FSTL4: variants seen among roughly 807,000 people sequenced by gnomAD.
The protein encoded by FSTL4 is follistatin-related protein 4.
In FSTL4, 28 loss-of-function variants were observed where a neutral mutation model predicts 78.2. The ratio of observed to expected loss-of-function variants is 0.36; its 90% confidence interval spans 0.27 to 0.49. The LOEUF is 0.49. Ranked by LOEUF, FSTL4 falls within the 20% of genes least tolerant of loss-of-function variation. FSTL4 has a pLI of 0.98. For synonymous variants in FSTL4, 422 were observed against 440.5 expected, an observed-to-expected ratio of 0.96 and a Z score of 0.53; for missense variants, 922 against 1,084.9, an observed-to-expected ratio of 0.85 and a Z score of 2.11.
At chr5:133,734,029 G>A in the FSTL4 span, among the ~76,000 whole-genome samples, 1 of 152,240 alleles carries the variant, frequency 6.6e-6, no homozygotes, top group East Asian at 1.9e-4. Context: ...AGAGCACAAA[G>A]TGTAAAGCCA....
intron 3 of FSTL4, among the ~76,000 whole-genome samples, chr5:133,498,083 C>CA (rs1395334809): frequency 6.6e-6 from 1 of 151,526 alleles, no homozygotes; most frequent in South Asian, 2.1e-4. Context: ...TATTCTTTAG[C>CA]ACCCCCCCAA....
At chr5:133,297,840 G>C (rs1753436813) in intron 6 of FSTL4, among the ~76,000 whole-genome samples, 1 of 152,176 alleles carries the variant, frequency 6.6e-6, no homozygotes, top group Admixed American at 6.5e-5. Flanking sequence ...GTTTCTGATG[G>C]GCTGGCCCTT....
chr5:133,716,305 A>G, the FSTL4 span, among the ~76,000 whole-genome samples: 24 of 152,216 alleles, frequency 1.6e-4, no homozygotes, highest in African/African-American at 5.5e-4. Flanking sequence ...AGTAGTGTTC[A>G]TTCATGCAGG....
chr5:133,538,451 C>T (rs900247035), intron 3 of FSTL4, among the ~76,000 whole-genome samples: 1 of 152,140 alleles, frequency 6.6e-6, no homozygotes, highest in African/African-American at 2.4e-5. Flanking sequence ...AAGGTTATAT[C>T]CACCTTTTGT....
chr5:133,362,971 C>T (rs898704428), intron 4 of FSTL4, among the ~76,000 whole-genome samples: 14 of 151,796 alleles, frequency 9.2e-5, no homozygotes, highest in African/African-American at 3.4e-4. Context: ...AAATTCCAGG[C>T]TAATTCCTCC....
the FSTL4 span, among the ~76,000 whole-genome samples, chr5:133,678,661 G>A: frequency 3.3e-5 from 5 of 152,166 alleles, no homozygotes; most frequent in South Asian, 1.0e-3. Context: ...GTTGAATATG[G>A]AAGTGAATGT....
At chr5:133,701,699 T>A in the FSTL4 span, among the ~76,000 whole-genome samples, 1 of 151,868 alleles carries the variant, frequency 6.6e-6, no homozygotes, top group South Asian at 2.1e-4. Context: ...CAGCAAGGGG[T>A]CAAGCTTAGA....
At chr5:133,252,519 C>A (rs1379598125) in intron 6 of FSTL4, among the ~76,000 whole-genome samples, 1 of 152,148 alleles carries the variant, frequency 6.6e-6, no homozygotes, top group African/African-American at 2.4e-5. Flanking sequence ...CAGATTTTAA[C>A]AAGCATCCCA....
intron 7 of FSTL4, chr5:133,246,956 C>G (rs1000488791): frequency 1.3e-5 from 2 of 152,156 alleles, no homozygotes; most frequent in Non-Finnish European, 2.9e-5. Flanking sequence ...AAAACTGGAG[C>G]TTAGAGCAGT....
the FSTL4 span, among the ~76,000 whole-genome samples, chr5:133,766,509 C>T: frequency 5.3e-5 from 8 of 152,168 alleles, no homozygotes; most frequent in Non-Finnish European, 5.9e-5. Context: ...TTATTGGTTG[C>T]CTGGAGAATT....
the FSTL4 span, among the ~76,000 whole-genome samples, chr5:133,716,404 TATATA>T: frequency 6.7e-6 from 1 of 149,762 alleles, no homozygotes; most frequent in Admixed American, 6.7e-5. Flanking sequence ...TATATATTCT[TATATA>T]AACTTAACCT....
intron 4 of FSTL4, among the ~76,000 whole-genome samples, chr5:133,363,131 C>G (rs183347002): frequency 5.9e-5 from 9 of 152,172 alleles, no homozygotes; most frequent in South Asian, 2.1e-4. Flanking sequence ...AAATAATTAC[C>G]CTTCTTTATT....
intron 6 of FSTL4, among the ~76,000 whole-genome samples, chr5:133,295,027 A>G (rs1484628447): frequency 1.3e-5 from 2 of 152,156 alleles, no homozygotes; most frequent in Non-Finnish European, 2.9e-5. Context: ...ATTCAGGACT[A>G]GGGCCCTCAA....
chr5:133,827,479 T>A, the FSTL4 span, among the ~76,000 whole-genome samples: 1 of 152,044 alleles, frequency 6.6e-6, no homozygotes, highest in Non-Finnish European at 1.5e-5. Context: ...GGACCACAAG[T>A]TTCTGACGAG....
intron 4 of FSTL4, among the ~76,000 whole-genome samples, chr5:133,392,715 C>T (rs746568900): frequency 1.3e-5 from 2 of 151,512 alleles, no homozygotes; most frequent in South Asian, 4.2e-4. Flanking sequence ...AGAGACTAGG[C>T]CGCCAGCAAC....
At chr5:133,262,903 G>A (rs1752566128) in intron 6 of FSTL4, among the ~76,000 whole-genome samples, 1 of 152,084 alleles carries the variant, frequency 6.6e-6, no homozygotes, top group Non-Finnish European at 1.5e-5. Flanking sequence ...GTGGGGCTGA[G>A]GGTGTTGGGA....
chr5:133,578,941 GA>G (rs1274598207), intron 2 of FSTL4, among the ~76,000 whole-genome samples: 2 of 152,142 alleles, frequency 1.3e-5, no homozygotes, highest in Non-Finnish European at 2.9e-5. Context: ...TTTTGATTTG[GA>G]AAGTAATCCA....
chr5:133,442,429 A>C (rs967743624), intron 3 of FSTL4, among the ~76,000 whole-genome samples: 2 of 152,120 alleles, frequency 1.3e-5, no homozygotes, highest in African/African-American at 4.8e-5. Flanking sequence ...AGTCAGATCC[A>C]TTTTTATTGA....
chr5:133,835,546 T>C, the FSTL4 span, among the ~76,000 whole-genome samples: 1 of 152,224 alleles, frequency 6.6e-6, no homozygotes, highest in Admixed American at 6.5e-5. Flanking sequence ...TTGATCTGTA[T>C]CATATGAACC....
Sources: allele counts gnomAD v4.1 joint callset (sites outside exome capture counted in the v4.1 genomes callset), GRCh38; gene constraint gnomAD v4.1.1; transcripts MANE v1.5; gene names NCBI Gene and HGNC (gene_info 2026-07-23, HGNC 2026-07-21).